Variants in WDFY1 observed in about 807,000 individuals in gnomAD.
The protein encoded by WDFY1 is WD repeat and FYVE domain-containing protein 1.
WDFY1 carries 32 observed loss-of-function variants against 56.4 expected under a neutral mutation model. The observed-to-expected ratio is 0.57, with a 90% confidence interval of 0.43 to 0.76. WDFY1 has a LOEUF of 0.76. Among genes scored for constraint, WDFY1 ranks in the 30% least tolerant of loss-of-function variants. The pLI, the probability that WDFY1 is intolerant of heterozygous loss-of-function variation, is 0.00. For synonymous variants in WDFY1, 192 were observed against 197.3 expected (o/e 0.97, Z 0.23); for missense variants, 480 against 545.7 (o/e 0.88, Z 1.20).
intron 1 of WDFY1, among the ~76,000 whole-genome samples, chr2:223,928,448 C>A (rs189669660): frequency 1.7e-4 from 26 of 152,168 alleles, no homozygotes; most frequent in Non-Finnish European, 2.9e-4. Flanking sequence ...CTTGTGAGAA[C>A]CCCAGAGAAA....
intron 8 of WDFY1, among the ~76,000 whole-genome samples, chr2:223,890,399 G>A (rs191314016): frequency 1.2e-3 from 185 of 152,274 alleles, no homozygotes; most frequent in Non-Finnish European, 2.4e-3. Context: ...TTGAGCCCAG[G>A]AGGCAGAGGT....
chr2:223,916,452 A>G (rs1396672599), intron 2 of WDFY1, among the ~76,000 whole-genome samples: 1 of 152,204 alleles, frequency 6.6e-6, no homozygotes, highest in Non-Finnish European at 1.5e-5. Context: ...CACTGTCAAG[A>G]GCTCTTCTTT....
chr2:223,882,430 C>A (rs1219891504), intron 9 of WDFY1, among the ~76,000 whole-genome samples: 2 of 152,014 alleles, frequency 1.3e-5, no homozygotes, highest in Non-Finnish European at 2.9e-5. Flanking sequence ...TGCTTTAAAG[C>A]ACATGGTTTC....
chr2:223,936,455 G>C (rs1198047099), intron 1 of WDFY1, among the ~76,000 whole-genome samples: 1 of 152,220 alleles, frequency 6.6e-6, no homozygotes, highest in Non-Finnish European at 1.5e-5. Context: ...AAAGATAGGA[G>C]ATTAGTGGGA....
chr2:223,878,731 C>CTTGT lies in WDFY1; in HGVS notation c.1174-2_1174-1insACAA. ...CCACCACAGGTGTCATGTCCCAGAT[C>CTTGT]TACAAGGAAGGAAGAAACGCAGAAA... On this transcript the variant is annotated splice_acceptor_variant, in intron 11 of 11. Coordinates refer to ENST00000233055, the MANE Select transcript of WDFY1 (RefSeq NM_020830.5). LOFTEE classifies it high-confidence loss of function. 1.2e-6 allele frequency: 2 copies of CTTGT among 1,609,860 alleles called. No homozygotes were observed. The highest frequency in any genetic ancestry group is 1.7e-6 in the Non-Finnish European group (2 of 1,177,532).
chr2:223,894,196 T>C, intron 8 of WDFY1, 38 bp downstream of exon 8: 1 of 1,606,212 alleles, frequency 6.2e-7, no homozygotes. Flanking sequence ...TTCCTGGGGG[T>C]CTCCCCCGAT....
chr2:223,917,292 G>C (rs1180710103), intron 2 of WDFY1, among the ~76,000 whole-genome samples: 1 of 152,172 alleles, frequency 6.6e-6, no homozygotes, highest in Non-Finnish European at 1.5e-5. Context: ...GCTATGGAGG[G>C]CACAGTCCTT....
chr2:223,906,047 T>TA, intron 3 of WDFY1, 46 bp from the exon 4 acceptor site: 1 of 1,434,566 alleles, frequency 7.0e-7, no homozygotes, highest in Non-Finnish European at 9.4e-7. Context: ...GTTATGGTTT[T>TA]AAAAAACAAC....
intron 10 of WDFY1, among the ~76,000 whole-genome samples, chr2:223,881,504 TA>T (rs1693070573): frequency 6.6e-6 from 1 of 152,068 alleles, no homozygotes; most frequent in Admixed American, 6.6e-5. Context: ...AAAAATGGCT[TA>T]GGGGCCAGGC....
At chr2:223,922,374 C>T (rs941062864) in intron 1 of WDFY1, among the ~76,000 whole-genome samples, 13 of 152,260 alleles carry the variant, frequency 8.5e-5, no homozygotes, top group African/African-American at 2.2e-4. Context: ...GGATACATTC[C>T]GACATAGGGG....
chr2:223,921,244 C>A (rs994401236), intron 1 of WDFY1, among the ~76,000 whole-genome samples: 1 of 152,070 alleles, frequency 6.6e-6, no homozygotes, highest in Non-Finnish European at 1.5e-5. Context: ...ATAAGATGAC[C>A]TAGCACCACA....
At chr2:223,884,188 G>T (rs1693130941) in intron 9 of WDFY1, among the ~76,000 whole-genome samples, 1 of 151,954 alleles carries the variant, frequency 6.6e-6, no homozygotes, top group Admixed American at 6.6e-5. Flanking sequence ...AATATTCCAG[G>T]TATGCTTATA....
At chr2:223,923,710 G>A (rs541670248) in intron 1 of WDFY1, among the ~76,000 whole-genome samples, 12 of 152,150 alleles carry the variant, frequency 7.9e-5, no homozygotes, top group Admixed American at 5.9e-4. Flanking sequence ...GCAGTGAGCC[G>A]AGATCGCGCC....
At chr2:223,878,783 G>A (rs1047801999) in intron 11 of WDFY1, 53 bp from the exon 12 acceptor site, 38 of 1,609,508 alleles carry the variant, frequency 2.4e-5, no homozygotes, top group Middle Eastern at 1.6e-4. Context: ...CAGGTCTAAC[G>A]GCAAGAGTCA....
intron 10 of WDFY1, among the ~76,000 whole-genome samples, chr2:223,881,273 T>C (rs1693065430): frequency 1.3e-5 from 2 of 152,222 alleles, no homozygotes; most frequent in South Asian, 4.1e-4. Flanking sequence ...CACTGGATAC[T>C]TTTATAGAGA....
At chr2:223,881,641 T>C (rs553863225) in intron 10 of WDFY1, among the ~76,000 whole-genome samples, 2 of 151,942 alleles carry the variant, frequency 1.3e-5, no homozygotes, top group Non-Finnish European at 2.9e-5. Context: ...ACTACAAAAA[T>C]TAGCCAGGTG....
At chr2:223,921,468 A>T (rs1693883813) in intron 1 of WDFY1, among the ~76,000 whole-genome samples, 3 of 152,232 alleles carry the variant, frequency 2.0e-5, no homozygotes, top group African/African-American at 7.2e-5. Context: ...GGAAAAAAAA[A>T]TAGAGAGGAA....
rs73994414 is a variant in WDFY1, at chr2:223,899,201, G to A, written c.486-131C>T. On this transcript the variant is annotated intron_variant, in intron 5 of 11. Transcript: ENST00000233055. ...CATTTTAAAGAGAATAAGCATACAC[G>A]TAAAACTATAACAAGAAAGGAAACA... is the stretch of plus-strand genomic sequence containing the variant. The A allele has an allele frequency of 6.2e-3, 3,927 of 631,358 alleles. 71 individuals are homozygous for A. The highest frequency in any genetic ancestry group is 0.051 in the African/African-American group (2,778 of 54,876). The allele number at this position is 631,358 out of a possible 1,614,324, so 39.1% of individuals were successfully genotyped here. A position where few individuals can be genotyped will look rare whatever the true frequency, so the allele number is the denominator to read the frequency against.
rs369535638 is a variant in WDFY1, at chr2:223,888,835, G to A, written c.832-4086C>T. Reference sequence around the variant, plus strand: ...ACTCCTGACCTCAAGTGATCTGCCCGCCTCAGCCTCCCAAAGTGCTGGGAT... The same window carrying A: ...ACTCCTGACCTCAAGTGATCTGCCCACCTCAGCCTCCCAAAGTGCTGGGAT... On this transcript the variant is annotated intron_variant, in intron 8 of 11. Coordinates refer to ENST00000233055, the MANE Select transcript of WDFY1 (RefSeq NM_020830.5). Among the ~76,000 whole-genome samples the A allele has an allele frequency of 2.7e-5, 4 of 150,440 alleles. No homozygotes were observed. The East Asian group carries it at 5.9e-4, about 22-fold the overall frequency.
Sources: gnomAD v4.1 joint callset for allele counts (sites outside exome capture counted in the v4.1 genomes callset) on GRCh38, gnomAD v4.1.1 for gene constraint, MANE v1.5 for transcripts, NCBI Gene and HGNC (gene_info 2026-07-23, HGNC 2026-07-21) for gene names.